The following STX17 variants were observed in gnomAD, a reference collection of about 807,000 sequenced individuals.
STX17 encodes the protein syntaxin 17.
In STX17, 29 loss-of-function variants were observed where a neutral mutation model predicts 35.9. The ratio of observed to expected loss-of-function variants is 0.81; its 90% CI spans 0.60 to 1.10. STX17 has a LOEUF of 1.10. Among genes scored for constraint, STX17 ranks in the 50% least tolerant of loss-of-function variants. The pLI, the probability that STX17 is intolerant of heterozygous loss-of-function variation, is 0.00. For synonymous variants in STX17, 92 were observed against 118.3 expected, an observed-to-expected ratio of 0.78 and a Z score of 1.44; for missense variants, 312 against 352.3, an observed-to-expected ratio of 0.89 and a Z score of 0.92.
chr9:99,916,575 C>G (rs1251546784), intron 2 of STX17, among the ~76,000 whole-genome samples: 1 of 151,826 alleles, frequency 6.6e-6, no homozygotes, highest in Non-Finnish European at 1.5e-5. Flanking sequence ...CCTTTTTCTT[C>G]CATAGATACC....
intron 6 of STX17, among the ~76,000 whole-genome samples, chr9:99,964,465 G>C (rs936374984): frequency 8.5e-5 from 13 of 152,148 alleles, no homozygotes; most frequent in African/African-American, 3.1e-4. Context: ...AAACACTGCA[G>C]TGTAATGAGC....
chr9:99,921,552 A>G (rs994211061), intron 2 of STX17, among the ~76,000 whole-genome samples: 5 of 151,396 alleles, frequency 3.3e-5, no homozygotes, highest in Non-Finnish European at 7.4e-5. Flanking sequence ...GTTGGACAGG[A>G]AAGGGCCAGA....
In STX17 at chr9:99,968,675, A is replaced by G; in HGVS notation, c.*2A>G. 6.2e-7 allele frequency: 1 copy of G among 1,612,584 alleles called. No individual in the cohort carries two copies. The highest frequency in any genetic ancestry group is 1.7e-5 in the Admixed American group (1 of 59,912). On this transcript the variant is annotated 3_prime_UTR_variant, in exon 8 of 8. Coordinates refer to ENST00000259400, the MANE Select transcript of STX17 (RefSeq NM_017919.3). ...CAAACTGACAAGAAATGCAGTTAAA[A>G]ACCAAATTTCAGTATTATTGGTGCC... is the stretch of plus-strand genomic sequence containing the variant.
intron 4 of STX17, among the ~76,000 whole-genome samples, chr9:99,953,810 A>T (rs1209509695): frequency 6.6e-6 from 1 of 152,098 alleles, no homozygotes; most frequent in Admixed American, 6.6e-5. Flanking sequence ...GTTTTCTCAC[A>T]GTATTTTAAT....
intron 6 of STX17, among the ~76,000 whole-genome samples, chr9:99,964,952 G>A (rs764240436): frequency 3.9e-5 from 6 of 152,026 alleles, no homozygotes; most frequent in Non-Finnish European, 8.8e-5. Context: ...AGCAAAATAC[G>A]GACAAGAGAA....
At chr9:99,966,128 G>T (rs1210989732) in intron 6 of STX17, among the ~76,000 whole-genome samples, 1 of 152,176 alleles carries the variant, frequency 6.6e-6, no homozygotes, top group East Asian at 1.9e-4. Context: ...TTCATCCCAG[G>T]CCTACTGGAT....
chr9:99,960,398 A>G (rs574689485), intron 6 of STX17, among the ~76,000 whole-genome samples: 2 of 152,194 alleles, frequency 1.3e-5, no homozygotes, highest in South Asian at 4.1e-4. Context: ...CAGGTTGGAT[A>G]TAGAAATAAA....
chr9:99,961,917 G>A (rs987879245), intron 6 of STX17, among the ~76,000 whole-genome samples: 3 of 152,050 alleles, frequency 2.0e-5, no homozygotes, highest in African/African-American at 7.2e-5. Context: ...TCTTAGAAGG[G>A]TTAGAGTTAA....
At chr9:99,968,046 C>T (rs947170219) in intron 7 of STX17, among the ~76,000 whole-genome samples, 1 of 152,148 alleles carries the variant, frequency 6.6e-6, no homozygotes, top group Non-Finnish European at 1.5e-5. Flanking sequence ...TGGAGTGGGA[C>T]CATCTATTTT....
chr9:99,922,871 G>A (rs1333311713), intron 2 of STX17, among the ~76,000 whole-genome samples: 1 of 152,214 alleles, frequency 6.6e-6, no homozygotes, highest in Non-Finnish European at 1.5e-5. Flanking sequence ...CAAGCCAAAA[G>A]TTGTTCTTCC....
At chr9:99,933,466 T>C (rs1829166264) in intron 3 of STX17, among the ~76,000 whole-genome samples, 1 of 152,200 alleles carries the variant, frequency 6.6e-6, no homozygotes, top group Admixed American at 6.5e-5. Flanking sequence ...TACACAGTCT[T>C]GTTGGGAAGT....
intron 2 of STX17, among the ~76,000 whole-genome samples, chr9:99,926,851 G>A (rs1828995988): frequency 6.6e-6 from 1 of 152,126 alleles, no homozygotes; most frequent in Non-Finnish European, 1.5e-5. Context: ...CTTTAGTTCA[G>A]GGCTAATTTT....
chr9:99,963,269 G>A (rs1259567668), intron 6 of STX17, among the ~76,000 whole-genome samples: 4 of 152,050 alleles, frequency 2.6e-5, no homozygotes, highest in Non-Finnish European at 5.9e-5. Flanking sequence ...TTGTTCAAGT[G>A]CCCTCTTCTC....
chr9:99,944,100 C>T (rs1366419342), intron 3 of STX17, among the ~76,000 whole-genome samples: 4 of 151,950 alleles, frequency 2.6e-5, no homozygotes, highest in Non-Finnish European at 4.4e-5. Context: ...TATTGGCATA[C>T]ATTTTTTCAG....
intron 2 of STX17, among the ~76,000 whole-genome samples, chr9:99,920,249 G>A (rs1424034991): frequency 6.6e-6 from 1 of 152,148 alleles, no homozygotes; most frequent in Non-Finnish European, 1.5e-5. Context: ...TTTGGGGTGT[G>A]GAAACTGGAA....
chr9:99,972,706 C>T lies in STX17; in HGVS notation c.*4033C>T, dbSNP rs904306271. Among the ~76,000 whole-genome samples, 2 of 152,150 alleles carry T rather than the reference C, an allele frequency of 1.3e-5. No individual in the cohort carries two copies. The highest frequency in any genetic ancestry group is 2.4e-5 in the African/African-American group (1 of 41,412). On this transcript the variant is annotated 3_prime_UTR_variant, in exon 8 of 8. Transcript: ENST00000259400. Reference sequence around the variant, plus strand: ...TGTAATATAGCTAGATAATATACAACGTTTGTCTTCCATCAGAGTGCAGAA... The same window carrying T: ...TGTAATATAGCTAGATAATATACAATGTTTGTCTTCCATCAGAGTGCAGAA...
chr9:99,914,286 T>C (rs1261667353), intron 1 of STX17: 2 of 152,226 alleles, frequency 1.3e-5, no homozygotes, highest in African/African-American at 4.8e-5. Context: ...TGGTGTACAA[T>C]GGTGGCTTTC....
chr9:99,951,304 T>A lies in STX17; in HGVS notation c.415+19T>A, dbSNP rs201089800. On this transcript the variant is annotated intron_variant, in intron 4 of 7. Transcript: ENST00000259400. ...GTTGGTGGTAATGTATTGTGCTAAG[T>A]CTTATTCTCAGTCACAGTAGTGCAG... 233 of 1,608,122 alleles carry A rather than the reference T, an allele frequency of 1.4e-4. No homozygotes were observed. The highest frequency in any genetic ancestry group is 6.6e-4 in the Middle Eastern group (4 of 6,036).
intron 6 of STX17, among the ~76,000 whole-genome samples, chr9:99,964,783 A>G (rs1829884602): frequency 6.6e-6 from 1 of 152,128 alleles, no homozygotes; most frequent in Non-Finnish European, 1.5e-5. Flanking sequence ...GACCCAATTC[A>G]GCTCTGTATG....
Sources: allele counts gnomAD v4.1 joint callset (sites outside exome capture counted in the v4.1 genomes callset), GRCh38; gene constraint gnomAD v4.1.1; transcripts MANE v1.5; gene names NCBI Gene and HGNC (gene_info 2026-07-23, HGNC 2026-07-21).